FBXO22: variants seen among roughly 807,000 people sequenced by gnomAD.
FBXO22 encodes the protein F-box protein 22, also known as F-box only protein 22.
FBXO22 carries 13 observed loss-of-function variants against 37.2 expected under a neutral mutation model. That is an observed-to-expected ratio of 0.35 (90% CI 0.23 to 0.56). The LOEUF (loss-of-function observed/expected upper bound fraction) is 0.56. Ranked by LOEUF, FBXO22 falls within the 20% of genes least tolerant of loss-of-function variation. The pLI is 0.87. For missense variants in FBXO22, 446 were observed against 509.9 expected, an observed-to-expected ratio of 0.87 and a Z score of 1.21; for synonymous variants, 189 against 189.1, an observed-to-expected ratio of 1.00 and a Z score of 0.00.
chr15:75,906,814 C>T (rs1310640598), intron 2 of FBXO22, among the ~76,000 whole-genome samples: 1 of 152,028 alleles, frequency 6.6e-6, no homozygotes, highest in East Asian at 1.9e-4. Context: ...CAGATTTCCT[C>T]GAAAGTGTTC....
At chr15:75,929,312 A>AAG (rs1005915321) in intron 5 of FBXO22, among the ~76,000 whole-genome samples, 7 of 151,138 alleles carry the variant, frequency 4.6e-5, no homozygotes, top group African/African-American at 1.7e-4. Context: ...TCTCTACCAA[A>AAG]AAAAAAAAAA....
rs1339572805 is a variant in FBXO22, at chr15:75,936,060, T to A, written c.*2958T>A. The A allele has an allele frequency of 1.3e-5, 2 of 152,256 alleles. No homozygotes were observed. Among genetic ancestry groups the A allele is most frequent in the African/African-American group, 4.8e-5 (2 of 41,450 alleles). 9.4% of individuals were successfully genotyped at this position (152,256 alleles called of 1,614,324 possible). On this transcript the variant is annotated 3_prime_UTR_variant, in exon 7 of 7. Coordinates refer to ENST00000308275, the MANE Select transcript of FBXO22 (RefSeq NM_147188.3). Reference sequence around the variant, plus strand: ...CCTCGGCCTCCCAAAGTGCTGGGATTACAGGCATGAGCCACTGCGCCCAGC... The same window carrying A: ...CCTCGGCCTCCCAAAGTGCTGGGATAACAGGCATGAGCCACTGCGCCCAGC...
chr15:75,917,656 C>T (rs1900219814), intron 5 of FBXO22, among the ~76,000 whole-genome samples: 1 of 152,158 alleles, frequency 6.6e-6, no homozygotes, highest in Admixed American at 6.5e-5. Context: ...TTCATAAATA[C>T]TCTGTTGATG....
Position 75,915,899 on chromosome 15 carries a change from CA to C in FBXO22, c.464-1316del, listed in dbSNP as rs1177802395. On this transcript the variant is annotated intron_variant, in intron 4 of 6. Coordinates refer to ENST00000308275, the MANE Select transcript of FBXO22 (RefSeq NM_147188.3). ...TGGATGATAGAGCAAGACTCTGTCTCAAAAAAAAAAAAAAAGCTAAAATTAG... is the reference window on the plus strand; with the variant it reads ...TGGATGATAGAGCAAGACTCTGTCTCAAAAAAAAAAAAAAGCTAAAATTAG... Among the ~76,000 whole-genome samples the C allele has an allele frequency of 5.5e-3, 602 of 109,272 alleles. 2 individuals carry two copies. Among genetic ancestry groups the C allele is most frequent in the African/African-American group, 9.4e-3 (277 of 29,462 alleles). 71.7% of individuals were successfully genotyped at this position (109,272 alleles called of 152,430 possible).
chr15:75,904,354 C>T (rs778773523), intron 1 of FBXO22, 137 bp from the exon 2 acceptor site: 20 of 1,328,426 alleles, frequency 1.5e-5, no homozygotes, highest in Non-Finnish European at 2.1e-5. Flanking sequence ...AGCGCCCTGA[C>T]TGACACCTAC....
At chr15:75,905,236 C>G (rs539099164) in intron 2 of FBXO22, among the ~76,000 whole-genome samples, 1 of 152,214 alleles carries the variant, frequency 6.6e-6, no homozygotes, top group Non-Finnish European at 1.5e-5. Flanking sequence ...ACCGGGAAGA[C>G]AACTGGGTGT....
At chr15:75,921,938 C>T (rs976763393) in intron 5 of FBXO22, among the ~76,000 whole-genome samples, 1 of 152,070 alleles carries the variant, frequency 6.6e-6, no homozygotes, top group African/African-American at 2.4e-5. Context: ...GACAACAGTG[C>T]CTCCTTCTGG....
Position 75,915,557 on chromosome 15 carries a change from G to A in FBXO22, c.463+1352G>A, listed in dbSNP as rs532454609. Among the ~76,000 whole-genome samples the A allele has an allele frequency of 1.7e-3, 264 of 151,962 alleles. 5 individuals are homozygous for A. Among genetic ancestry groups the A allele is most frequent in the African/African-American group, 5.8e-3 (239 of 41,458 alleles). ...GAGGCAGGCGGATCACTTGAAGTCA[G>A]GAGTTGGAGACCAGCCTGGCCAACA... On this transcript the variant is annotated intron_variant, in intron 4 of 6. Coordinates refer to ENST00000308275, the MANE Select transcript of FBXO22 (RefSeq NM_147188.3).
At chr15:75,907,587 CT>C (rs1899957211) in intron 2 of FBXO22, among the ~76,000 whole-genome samples, 1 of 151,986 alleles carries the variant, frequency 6.6e-6, no homozygotes, top group Non-Finnish European at 1.5e-5. Context: ...GTTGATTTAA[CT>C]TTTCTATTAG....
In FBXO22 at chr15:75,941,746, C is replaced by T. The variant is rs1488245598; in HGVS notation, c.*8644C>T. On this transcript the variant is annotated 3_prime_UTR_variant, in exon 7 of 7. Coordinates refer to ENST00000308275, the MANE Select transcript of FBXO22 (RefSeq NM_147188.3). ...GTAGAACAAAGATTACGTTTTGTCA[C>T]AGGGAGCAGGAGGGAATGGGAATTT... 1.3e-5 allele frequency: 2 copies of T among 151,926 alleles called. No homozygotes were observed. The highest frequency in any genetic ancestry group is 4.8e-5 in the African/African-American group (2 of 41,350). 9.4% of individuals were successfully genotyped at this position (151,926 alleles called of 1,614,324 possible).
In FBXO22 at chr15:75,940,732, C is replaced by A. The variant is rs2648438; in HGVS notation, c.*7630C>A. On this transcript the variant is annotated 3_prime_UTR_variant, in exon 7 of 7. Transcript: ENST00000308275. ...TTTGACAAGGGTGCCAAGGCTATTC[C>A]AAGGATAGTTTTTTCAACAAATAAT... The A allele has an allele frequency of 0.98, 149,360 of 152,160 alleles. 73,360 individuals are homozygous for A. The highest frequency in any genetic ancestry group is 1 in the East Asian group (5,182 of 5,182). The allele number at this position is 152,160 out of a possible 1,614,324, so 9.4% of individuals were successfully genotyped here. A position where few individuals can be genotyped will look rare whatever the true frequency, so the allele number is the denominator to read the frequency against.
chr15:75,933,285 C>T lies in FBXO22; in HGVS notation c.*183C>T, dbSNP rs2030131771. ...ATATTAGATGAAGGACAACTTTGGA[C>T]ATAACACTGACTAGGAGTTGAGAGC... On this transcript the variant is annotated 3_prime_UTR_variant, in exon 7 of 7. Coordinates refer to ENST00000308275, the MANE Select transcript of FBXO22 (RefSeq NM_147188.3). The T allele has an allele frequency of 1.7e-6, 1 of 574,342 alleles. No individual in the cohort carries two copies. The highest frequency in any genetic ancestry group is 2.2e-5 in the South Asian group (1 of 45,400). The allele number at this position is 574,342 out of a possible 1,614,324, so 35.6% of individuals were successfully genotyped here. A position where few individuals can be genotyped will look rare whatever the true frequency, so the allele number is the denominator to read the frequency against.
At chr15:75,920,814 C>A (rs780463125) in intron 5 of FBXO22, among the ~76,000 whole-genome samples, 1 of 151,980 alleles carries the variant, frequency 6.6e-6, no homozygotes, top group Non-Finnish European at 1.5e-5. Flanking sequence ...CAGAGTGAGA[C>A]CCTGTCTCAA....
At chr15:75,904,387 C>A in intron 1 of FBXO22, 104 bp from the exon 2 acceptor site, 1 of 1,554,096 alleles carries the variant, frequency 6.4e-7, no homozygotes, top group Non-Finnish European at 8.8e-7. Flanking sequence ...CTTTGGATCC[C>A]GCAGGGATCT....
At position 75,917,281 on chromosome 15, in the gene FBXO22, A is replaced by G. The variant is rs1900212410; in HGVS notation, c.515A>G (p.Glu172Gly). The G allele has an allele frequency of 1.2e-6, 2 of 1,612,598 alleles. No individual in the cohort carries two copies. Among genetic ancestry groups the G allele is most frequent in the Non-Finnish European group, 1.7e-6 (2 of 1,179,382 alleles). The part of the protein sequence containing the change: ...SNRPQEIEIG[E>G]SGFALLFPQI... ...CGACCTCAGGAAATAGAAATTGGAG[A>G]ATCTGGTTTTGCTTTATTATTCCCT... The change falls in exon 5 of 7, where the codon GAA becomes GGA. Residue 172 changes from glutamate to glycine, a missense_variant. By Grantham distance (98) the Glu-to-Gly change is moderately conservative (BLOSUM62 -2). Transcript: ENST00000308275.
chr15:75,914,257 C>G, intron 4 of FBXO22, 52 bp downstream of exon 4: 1 of 1,284,314 alleles, frequency 7.8e-7, no homozygotes, highest in Non-Finnish European at 1.1e-6. Flanking sequence ...ATGTGGGGTC[C>G]TTTGGATTGG....
chr15:75,920,170 A>G (rs1455711362), intron 5 of FBXO22, among the ~76,000 whole-genome samples: 1 of 152,230 alleles, frequency 6.6e-6, no homozygotes, highest in Non-Finnish European at 1.5e-5. Flanking sequence ...TGATTTTGTA[A>G]TAACATAATG....
chr15:75,911,776 C>G (rs1472024329), intron 2 of FBXO22, among the ~76,000 whole-genome samples: 2 of 151,124 alleles, frequency 1.3e-5, no homozygotes, highest in Non-Finnish European at 2.9e-5. Context: ...GCTTGATTGG[C>G]CTGGCCAGAA....
Position 75,932,868 on chromosome 15 carries a change from C to T in FBXO22, c.978C>T (p.Cys326=), listed in dbSNP as rs535116490. 89 of 1,614,222 alleles carry T rather than the reference C, an allele frequency of 5.5e-5. No homozygotes were observed. The highest frequency in any genetic ancestry group is 1.6e-4 in the Middle Eastern group (1 of 6,062). Reference sequence around the variant, plus strand: ...ACACCATTGGCTTCATGTTTGCATGCGTTGGCAGGGGCTTTCAGTATTACA... The same window carrying T: ...ACACCATTGGCTTCATGTTTGCATGTGTTGGCAGGGGCTTTCAGTATTACA... ...EHNTIGFMFA[C]VGRGFQYYRA... The change falls in exon 7 of 7, where the codon TGC becomes TGT. Residue 326 remains cysteine, a synonymous_variant. Transcript: ENST00000308275.
Sources: gnomAD v4.1 joint callset for allele counts (sites outside exome capture counted in the v4.1 genomes callset) on GRCh38, gnomAD v4.1.1 for gene constraint, MANE v1.5 for transcripts, NCBI Gene and HGNC (gene_info 2026-07-23, HGNC 2026-07-21) for gene names.